The following APBB2 variants were observed in gnomAD, a reference collection of about 807,000 sequenced individuals.
APBB2 encodes the protein amyloid beta precursor protein binding family B member 2.
In APBB2, 38 loss-of-function variants were observed where a neutral mutation model predicts 82.5. The observed-to-expected ratio is 0.46, with a 90% CI of 0.36 to 0.60. The LOEUF is 0.60. Among genes scored for constraint, APBB2 ranks in the 20% least tolerant of loss-of-function variants. APBB2 has a pLI of 0.00. For missense variants in APBB2, 772 were observed against 972.3 expected, an observed-to-expected ratio of 0.79 and a Z score of 2.74; for synonymous variants, 341 against 368.2, an observed-to-expected ratio of 0.93 and a Z score of 0.85.
At chr4:40,856,995 AG>A (rs2154331507) in intron 12 of APBB2, 2 of 985,542 alleles carry the variant, frequency 2.0e-6, no homozygotes, top group East Asian at 2.3e-4. Flanking sequence ...CTGCAAACAA[AG>A]GAGAGCCGTT....
intron 3 of APBB2, among the ~76,000 whole-genome samples, chr4:41,070,853 A>T (rs984036623): frequency 3.3e-5 from 5 of 152,232 alleles, no homozygotes; most frequent in Non-Finnish European, 7.3e-5. Flanking sequence ...AGATCAAGAT[A>T]AATATACGCT....
At chr4:40,924,770 G>C (rs1424994549) in intron 10 of APBB2, among the ~76,000 whole-genome samples, 1 of 152,170 alleles carries the variant, frequency 6.6e-6, no homozygotes, top group African/African-American at 2.4e-5. Flanking sequence ...TAAATCCTGA[G>C]CAAAATAAAT....
At chr4:40,863,929 G>C (rs1032798525) in intron 12 of APBB2, among the ~76,000 whole-genome samples, 1 of 144,466 alleles carries the variant, frequency 6.9e-6, no homozygotes, top group African/African-American at 2.5e-5. Context: ...AAGCCAGGGA[G>C]TTGTGGACTA....
At chr4:41,112,257 G>A (rs547140418) in intron 2 of APBB2, among the ~76,000 whole-genome samples, 1 of 152,358 alleles carries the variant, frequency 6.6e-6, no homozygotes, top group African/African-American at 2.4e-5. Context: ...CTTCAGTGGA[G>A]TTCCAATGAA....
intron 1 of APBB2, among the ~76,000 whole-genome samples, chr4:41,212,483 T>C (rs1397651467): frequency 6.6e-6 from 1 of 152,192 alleles, no homozygotes; most frequent in Non-Finnish European, 1.5e-5. Flanking sequence ...ATTACCACTT[T>C]ATAAAAATTT....
chr4:40,946,287 G>A (rs565570923), intron 6 of APBB2, among the ~76,000 whole-genome samples: 8 of 146,430 alleles, frequency 5.5e-5, no homozygotes, highest in South Asian at 4.4e-4. Context: ...GAAAAGCCTC[G>A]GAAGTCAACA....
intron 1 of APBB2, among the ~76,000 whole-genome samples, chr4:41,180,535 G>A (rs1183067624): frequency 3.3e-5 from 5 of 152,100 alleles, no homozygotes; most frequent in Non-Finnish European, 7.4e-5. Flanking sequence ...TTGATGGGGG[G>A]GCAGAGGGAG....
At chr4:40,878,074 C>T (rs1767379177) in intron 12 of APBB2, among the ~76,000 whole-genome samples, 3 of 148,386 alleles carry the variant, frequency 2.0e-5, no homozygotes, top group African/African-American at 7.3e-5. Context: ...AGGCCGGACT[C>T]GGTGGCTCAC....
chr4:40,857,364 C>G (rs575824255), intron 12 of APBB2, among the ~76,000 whole-genome samples: 62 of 152,368 alleles, frequency 4.1e-4, no homozygotes, highest in African/African-American at 1.2e-3. Context: ...TACTCCCTTC[C>G]TGTAACGAAC....
At chr4:40,883,161 T>C (rs1312184908) in intron 12 of APBB2, among the ~76,000 whole-genome samples, 1 of 152,188 alleles carries the variant, frequency 6.6e-6, no homozygotes, top group African/African-American at 2.4e-5. Context: ...CTGAAGCCAG[T>C]GGACTGCAGA....
intron 1 of APBB2, among the ~76,000 whole-genome samples, chr4:41,210,017 G>A (rs1209716643): frequency 6.6e-6 from 1 of 152,152 alleles, no homozygotes; most frequent in African/African-American, 2.4e-5. Context: ...CATAGGGAGT[G>A]CACAACCAAG....
intron 1 of APBB2, among the ~76,000 whole-genome samples, chr4:41,160,028 A>AGAAGAAGAAGAAGAAGAAGAG (rs1560914552): frequency 6.8e-6 from 1 of 147,640 alleles, no homozygotes. Flanking sequence ...AAGAAGAAGA[A>AGAAGAAGAAGAAGAAGAAGAG]GAAGAAGAAA....
chr4:41,130,467 T>C (rs1430571723), intron 2 of APBB2, among the ~76,000 whole-genome samples: 1 of 152,028 alleles, frequency 6.6e-6, no homozygotes, highest in Non-Finnish European at 1.5e-5. Flanking sequence ...CCCTCTACAC[T>C]CTATTCTCAA....
At chr4:40,981,520 T>A (rs1231835469) in intron 6 of APBB2, among the ~76,000 whole-genome samples, 2 of 152,182 alleles carry the variant, frequency 1.3e-5, no homozygotes, top group Non-Finnish European at 2.9e-5. Context: ...TTAGTACAGA[T>A]AATTAAGCAT....
Position 40,825,887 on chromosome 4 carries a change from C to T in APBB2, c.1816G>A (p.Gly606Arg). Residue 606 changes from glycine to arginine, a missense_variant and splice_region_variant, in exon 15 of 18, where the codon GGA becomes AGA. Coordinates refer to ENST00000508593, the MANE Select transcript of APBB2 (RefSeq NM_004307.2). Reference protein sequence around the residue: ...LGMLPVDKPVGMDILNSAIEN... With the variant: ...LGMLPVDKPVRMDILNSAIEN... ...GAAAGACAATAAACATTTCACATAC[C>T]GACTGGTTTGTCTACAGGTAACATG... 3 of 1,613,412 alleles carry T rather than the reference C, an allele frequency of 1.9e-6. No homozygotes were observed. Among genetic ancestry groups the T allele is most frequent in the Non-Finnish European group, 2.5e-6 (3 of 1,179,362 alleles).
At chr4:41,152,325 CTTTTT>C (rs912800375) in intron 1 of APBB2, among the ~76,000 whole-genome samples, 4 of 145,158 alleles carry the variant, frequency 2.8e-5, no homozygotes. Context: ...TTCTTTTCTT[CTTTTT>C]TTTTTTTCTT....
intron 7 of APBB2, among the ~76,000 whole-genome samples, chr4:40,939,865 G>C (rs1016590751): frequency 7.1e-6 from 1 of 141,450 alleles, no homozygotes; most frequent in Non-Finnish European, 1.6e-5. Context: ...ATTCAGAGAA[G>C]TTAAAAAAAA....
chr4:41,019,638 A>T (rs1270860841), intron 5 of APBB2, among the ~76,000 whole-genome samples: 3 of 152,120 alleles, frequency 2.0e-5, no homozygotes, highest in African/African-American at 7.2e-5. Flanking sequence ...GCACCCTGGG[A>T]TCTGGCCTGG....
chr4:41,104,090 T>C (rs1421998488), intron 2 of APBB2, among the ~76,000 whole-genome samples: 1 of 152,232 alleles, frequency 6.6e-6, no homozygotes, highest in Non-Finnish European at 1.5e-5. Context: ...AGAAATTGTA[T>C]TCTGGATAAA....
Sources: gnomAD v4.1 joint callset for allele counts (sites outside exome capture counted in the v4.1 genomes callset) on GRCh38, gnomAD v4.1.1 for gene constraint, MANE v1.5 for transcripts, NCBI Gene and HGNC (gene_info 2026-07-23, HGNC 2026-07-21) for gene names.